The following ACSM2B variants were observed in gnomAD, a reference collection of about 807,000 sequenced individuals.
ACSM2B encodes the protein acyl-coenzyme A synthetase ACSM2B, mitochondrial.
A neutral mutation model predicts 78.6 loss-of-function variants in ACSM2B; 58 were observed. That is an observed-to-expected ratio of 0.74 (90% CI 0.60 to 0.92). The LOEUF is 0.92. Ranked by LOEUF, ACSM2B falls within the 40% of genes least tolerant of loss-of-function variation. The pLI, the probability that ACSM2B is intolerant of heterozygous loss-of-function variation, is 0.00. For synonymous variants in ACSM2B, 257 were observed against 256.8 expected, an observed-to-expected ratio of 1.00 and a Z score of -0.01; for missense variants, 688 against 711.2, an observed-to-expected ratio of 0.97 and a Z score of 0.37.
At position 20,543,089 on chromosome 16, in the gene ACSM2B, G is replaced by C. The variant is rs201133559; in HGVS notation, c.1409+46C>G. 6.2e-6 allele frequency: 10 copies of C among 1,613,490 alleles called. No homozygotes were observed. The African/African-American group carries it at 1.2e-4, about 19-fold the overall frequency. ...CATTCCGGAAGTCTGGAACCAGCCA[G>C]AGTAAAGACCCAGATTTCCCTTCCC... is the stretch of plus-strand genomic sequence containing the variant. On this transcript the variant is annotated intron_variant, in intron 11 of 13. Transcript: ENST00000329697.
intron 3 of ACSM2B, among the ~76,000 whole-genome samples, chr16:20,556,533 C>T (rs552905570): frequency 6.6e-6 from 1 of 152,248 alleles, no homozygotes; most frequent in Admixed American, 6.5e-5. Flanking sequence ...ACCTGGGAGG[C>T]AAAGGTTGCA....
chr16:20,574,921 G>A (rs1195631313), intron 1 of ACSM2B, among the ~76,000 whole-genome samples: 1 of 148,696 alleles, frequency 6.7e-6, no homozygotes, highest in Non-Finnish European at 1.5e-5. Context: ...GAACTTAGGA[G>A]CAACCAACCA....
Position 20,537,137 on chromosome 16 carries a change from G to T in ACSM2B, c.*121C>A. 1 of 1,246,108 alleles carries T rather than the reference G, an allele frequency of 8.0e-7. No individual in the cohort carries two copies. The highest frequency in any genetic ancestry group is 1.4e-5 in the South Asian group (1 of 71,252). 77.2% of individuals were successfully genotyped at this position (1,246,108 alleles called of 1,614,324 possible). On this transcript the variant is annotated 3_prime_UTR_variant, in exon 14 of 14. Transcript: ENST00000329697. ...TGTTTTGTGCTAATAACCAGGGCAA[G>T]ACAAAACTTACATTCATGTTCTTTC...
At chr16:20,568,299 T>C in intron 1 of ACSM2B, among the ~76,000 whole-genome samples, 1 of 144,660 alleles carries the variant, frequency 6.9e-6, no homozygotes, top group East Asian at 2.0e-4. Flanking sequence ...ATAAAATATA[T>C]ACATACTATT....
At position 20,537,339 on chromosome 16, in the gene ACSM2B, G is replaced by T; in HGVS notation, c.1653C>A (p.Pro551=). 1.9e-6 allele frequency: 3 copies of T among 1,613,978 alleles called. No homozygotes were observed. The highest frequency in any genetic ancestry group is 2.5e-6 in the Non-Finnish European group (3 of 1,179,890). The change falls in exon 14 of 14, where the codon CCC becomes CCA. Residue 551 remains proline, a synonymous_variant. Transcript: ENST00000329697. ...PRKIEFVLNL[P]KTVTGKIQRT... ...GTTGAATTTTCCCTGTGACAGTCTTGGGCAGGTTCAAGACAAACTCTATCT... is the reference window on the plus strand; with the variant it reads ...GTTGAATTTTCCCTGTGACAGTCTTTGGCAGGTTCAAGACAAACTCTATCT...
At chr16:20,546,333 A>G (rs1265233633) in intron 9 of ACSM2B, 61 bp downstream of exon 9, 1 of 1,560,624 alleles carries the variant, frequency 6.4e-7, no homozygotes, top group Non-Finnish European at 8.7e-7. Context: ...AATGGAAAAC[A>G]TAAATTACTG....
intron 10 of ACSM2B, among the ~76,000 whole-genome samples, chr16:20,543,624 T>G (rs545708568): frequency 6.6e-5 from 10 of 152,232 alleles, no homozygotes; most frequent in Non-Finnish European, 1.5e-4. Flanking sequence ...GCTATCATTT[T>G]GATTAGGTAC....
At chr16:20,571,372 G>T (rs1419718019) in intron 1 of ACSM2B, among the ~76,000 whole-genome samples, 1 of 151,756 alleles carries the variant, frequency 6.6e-6, no homozygotes. Context: ...ATGTATTCAT[G>T]TGATTTTGAA....
At chr16:20,573,565 T>C (rs1361694386) in intron 1 of ACSM2B, among the ~76,000 whole-genome samples, 2 of 141,566 alleles carry the variant, frequency 1.4e-5, no homozygotes, top group Non-Finnish European at 1.5e-5. Context: ...ACCTCCCCAT[T>C]CCAAGTTGCA....
chr16:20,561,809 A>G (rs1185602422), intron 2 of ACSM2B, among the ~76,000 whole-genome samples: 2 of 150,776 alleles, frequency 1.3e-5, no homozygotes, highest in African/African-American at 4.9e-5. Context: ...GGTGTGCTGC[A>G]CCGCTTAACT....
rs531158279 is a variant in ACSM2B, at chr16:20,555,024, T to TA, written c.596+244dup. Among the ~76,000 whole-genome samples, 205 of 152,226 alleles carry TA rather than the reference T, an allele frequency of 1.3e-3. No homozygotes were observed. The South Asian group carries it at 0.041, about 30-fold the overall frequency. ...AATGATTCAGTGCTTTTCAATCCTT[T>TA]AGAGGACAATCCTGGGAGGCATTCT... On this transcript the variant is annotated intron_variant, in intron 4 of 13. Transcript: ENST00000329697.
rs111318941 is a variant in ACSM2B at position 20,537,254 on chromosome 16, C to T, written c.*4G>A. 206 of 1,613,666 alleles carry T rather than the reference C, an allele frequency of 1.3e-4. 2 individuals are homozygous for T. The highest frequency in any genetic ancestry group is 2.1e-4 in the African/African-American group (16 of 75,040). On this transcript the variant is annotated 3_prime_UTR_variant, in exon 14 of 14. Coordinates refer to ENST00000329697, the MANE Select transcript of ACSM2B (RefSeq NM_001105069.2). The stretch of plus-strand genomic sequence containing the variant: ...GGAATCCAAATGAATGTCTCCTAGA[C>T]GCCTCACTGCGCACGGGCTTTTCCG...
intron 7 of ACSM2B, 40 bp downstream of exon 7, chr16:20,548,354 T>G (rs1596711679): frequency 3.1e-6 from 5 of 1,611,544 alleles, no homozygotes; most frequent in Non-Finnish European, 4.2e-6. Context: ...GTCAGGGGGA[T>G]GGGGCCAGAC....
chr16:20,544,794 A>G (rs887214397), intron 10 of ACSM2B: 192 of 994,658 alleles, frequency 1.9e-4, no homozygotes, highest in Non-Finnish European at 2.2e-4. Flanking sequence ...TCTAAAGAAG[A>G]TCAACGGCAT....
intron 3 of ACSM2B, among the ~76,000 whole-genome samples, chr16:20,556,989 T>G (rs1486103496): frequency 1.3e-5 from 2 of 152,092 alleles, no homozygotes; most frequent in Admixed American, 1.3e-4. Flanking sequence ...CCCACTCTCA[T>G]GCTCAGCCCA....
intron 6 of ACSM2B, among the ~76,000 whole-genome samples, chr16:20,548,785 A>G (rs1332305699): frequency 6.6e-6 from 1 of 152,126 alleles, no homozygotes; most frequent in African/African-American, 2.4e-5. Context: ...CCCTAGGAGT[A>G]TATCACCCCC....
intron 1 of ACSM2B, chr16:20,575,410 G>T (rs1160716705): frequency 2.6e-5 from 4 of 151,318 alleles, no homozygotes; most frequent in African/African-American, 9.7e-5. Context: ...AGTTTATTCA[G>T]TATTAACTCA....
chr16:20,548,251 T>C (rs2015202350), intron 7 of ACSM2B, 66 bp from the exon 8 acceptor site: 15 of 1,611,360 alleles, frequency 9.3e-6, no homozygotes, highest in East Asian at 2.2e-5. Context: ...AGGCCTAGAC[T>C]TGGTTTCTGG....
At chr16:20,549,484 C>T (rs947247046) in intron 6 of ACSM2B, 3 of 175,226 alleles carry the variant, frequency 1.7e-5, no homozygotes, top group African/African-American at 7.2e-5. Context: ...CCAAAACTAA[C>T]CCACTAACAT....
Sources: gnomAD v4.1 joint callset for allele counts (sites outside exome capture counted in the v4.1 genomes callset) on GRCh38, gnomAD v4.1.1 for gene constraint, MANE v1.5 for transcripts, NCBI Gene and HGNC (gene_info 2026-07-23, HGNC 2026-07-21) for gene names.